Variants in COX10 observed in about 807,000 individuals in gnomAD.
COX10 encodes the protein protoheme IX farnesyltransferase, mitochondrial.
COX10 carries 27 observed loss-of-function variants against 37.3 expected under a neutral mutation model. The ratio of observed to expected loss-of-function variants is 0.72; its 90% CI spans 0.53 to 1.00. The LOEUF (loss-of-function observed/expected upper bound fraction) is 1.00. COX10 is among the 50% of genes least tolerant of loss of function. The probability of loss-of-function intolerance (pLI) is 0.00; values close to 1 mark genes in which losing one functional copy is unlikely to be tolerated. For missense variants in COX10, 475 were observed against 563.2 expected (o/e 0.84, Z 1.59); for synonymous variants, 222 against 229.1 (o/e 0.97, Z 0.28).
At chr17:14,190,376 G>A (rs1597544342) in intron 5 of COX10, among the ~76,000 whole-genome samples, 1 of 152,164 alleles carries the variant, frequency 6.6e-6, no homozygotes, top group Non-Finnish European at 1.5e-5. Context: ...AGTGAGTATT[G>A]TGGAAGTAAC....
chr17:14,089,465 T>TCTAGC (rs1915477767), intron 3 of COX10, among the ~76,000 whole-genome samples: 4 of 152,192 alleles, frequency 2.6e-5, no homozygotes, highest in Non-Finnish European at 4.4e-5. Flanking sequence ...TACTGGACTG[T>TCTAGC]CCAACAGAGC....
At chr17:14,176,974 C>T (rs1597537903) in intron 5 of COX10, among the ~76,000 whole-genome samples, 2 of 150,388 alleles carry the variant, frequency 1.3e-5, no homozygotes, top group South Asian at 4.2e-4. Flanking sequence ...TTTTTTTTTG[C>T]AAATCAAAGG....
intron 4 of COX10, among the ~76,000 whole-genome samples, chr17:14,108,065 C>G (rs1915936082): frequency 6.6e-6 from 1 of 152,140 alleles, no homozygotes; most frequent in Non-Finnish European, 1.5e-5. Flanking sequence ...ATTTATATCT[C>G]TTTCCTAGAG....
At chr17:14,192,745 AT>A (rs60704800) in intron 6 of COX10, among the ~76,000 whole-genome samples, 3,593 of 148,286 alleles carry the variant, frequency 0.024, 107 homozygotes, top group African/African-American at 0.078. Flanking sequence ...AGATTCCTAC[AT>A]TTTTTTGGTG....
rs116514196 is a variant in COX10 at position 14,074,048 on chromosome 17, C to T, written c.44-275C>T. Among the ~76,000 whole-genome samples the T allele has an allele frequency of 7.9e-3, 1,194 of 152,086 alleles. 13 individuals are homozygous for T. The highest frequency in any genetic ancestry group is 0.028 in the African/African-American group (1,144 of 41,464). On this transcript the variant is annotated intron_variant, in intron 1 of 6. Transcript: ENST00000261643. ...TATATTTTCTTAAGAAGATATGTAG[C>T]GTGGTCATTTCAGCATTAAATGTAG...
chr17:14,200,874 G>C (rs1445951294), intron 6 of COX10, among the ~76,000 whole-genome samples: 1 of 152,200 alleles, frequency 6.6e-6, no homozygotes, highest in Non-Finnish European at 1.5e-5. Context: ...ACCAATTTTA[G>C]ATCTCAGTTT....
At chr17:14,135,564 C>T (rs1334020662) in intron 4 of COX10, among the ~76,000 whole-genome samples, 2 of 151,716 alleles carry the variant, frequency 1.3e-5, no homozygotes, top group African/African-American at 2.4e-5. Context: ...GCAGATGAAC[C>T]CTGAACTGCA....
chr17:14,191,782 A>G (rs1906208671), intron 5 of COX10, among the ~76,000 whole-genome samples: 1 of 152,208 alleles, frequency 6.6e-6, no homozygotes, highest in Admixed American at 6.5e-5. Flanking sequence ...AGCAAAATCA[A>G]GAAGAGCAGC....
chr17:14,106,743 T>C (rs1915901446), intron 4 of COX10, among the ~76,000 whole-genome samples: 1 of 152,104 alleles, frequency 6.6e-6, no homozygotes, highest in African/African-American at 2.4e-5. Flanking sequence ...GGTGGGAGTG[T>C]GTTTACTTTT....
At chr17:14,189,668 T>A (rs898030481) in intron 5 of COX10, among the ~76,000 whole-genome samples, 7 of 152,188 alleles carry the variant, frequency 4.6e-5, no homozygotes, top group Non-Finnish European at 7.3e-5. Flanking sequence ...GTGCAAAAAA[T>A]TTTTGAAATC....
At chr17:14,203,016 A>G (rs7215756) in intron 6 of COX10, among the ~76,000 whole-genome samples, 6,318 of 152,170 alleles carry the variant, frequency 0.042, 205 homozygotes, top group African/African-American at 0.09. Context: ...GAGTCGTCTC[A>G]AAATAGGCAT....
At chr17:14,181,250 A>G (rs1905849344) in intron 5 of COX10, among the ~76,000 whole-genome samples, 1 of 152,218 alleles carries the variant, frequency 6.6e-6, no homozygotes, top group South Asian at 2.1e-4. Flanking sequence ...AGTTAATTAG[A>G]CACGTTCACA....
Position 14,207,385 on chromosome 17 carries a change from C to A in COX10, c.*172C>A. 2.4e-6 allele frequency: 2 copies of A among 850,674 alleles called. No homozygotes were observed. The highest frequency in any genetic ancestry group is 4.2e-5 in the South Asian group (2 of 47,804). 52.7% of individuals were successfully genotyped at this position (850,674 alleles called of 1,614,324 possible). A position where few individuals can be genotyped will look rare whatever the true frequency, so the allele number is the denominator to read the frequency against. ...TTTTTTAAATATTACCCAAAATGCTCCCCAAATAAGAAATGCATCAGCTCA... is the reference window on the plus strand; with the variant it reads ...TTTTTTAAATATTACCCAAAATGCTACCCAAATAAGAAATGCATCAGCTCA... On this transcript the variant is annotated 3_prime_UTR_variant, in exon 7 of 7. Transcript: ENST00000261643.
chr17:14,095,590 A>C (rs1390602107), intron 3 of COX10, among the ~76,000 whole-genome samples: 1 of 152,170 alleles, frequency 6.6e-6, no homozygotes, highest in South Asian at 2.1e-4. Flanking sequence ...AAGCAACACA[A>C]AGTTATTGTT....
chr17:14,146,660 GCTT>G (rs1315214510), intron 4 of COX10, among the ~76,000 whole-genome samples: 1 of 152,062 alleles, frequency 6.6e-6, no homozygotes, highest in African/African-American at 2.4e-5. Flanking sequence ...AAGTTAAAAA[GCTT>G]CTTCACAGGA....
chr17:14,118,072 C>A (rs1200728369), intron 4 of COX10, among the ~76,000 whole-genome samples: 1 of 152,110 alleles, frequency 6.6e-6, no homozygotes, highest in Non-Finnish European at 1.5e-5. Flanking sequence ...CCAGTGTCTG[C>A]TGGTGTCTGT....
chr17:14,141,438 A>G (rs981722636), intron 4 of COX10, among the ~76,000 whole-genome samples: 5 of 143,062 alleles, frequency 3.5e-5, no homozygotes, highest in African/African-American at 1.3e-4. Flanking sequence ...CTGAGGTGGT[A>G]GGATGGCATA....
rs116550419 is a variant in COX10 at position 14,162,576 on chromosome 17, C to T, written c.695+2629C>T. ...TAAGTCTGATATAGAAAAATCAGCA[C>T]ATGTTTTACGTTGGCTAATGGATGG... On this transcript the variant is annotated intron_variant, in intron 5 of 6. Coordinates refer to ENST00000261643, the MANE Select transcript of COX10 (RefSeq NM_001303.4). 9.9e-3 allele frequency among the ~76,000 whole-genome samples: 1,505 copies of T among 151,284 alleles called. 18 individuals carry two copies. Among genetic ancestry groups the T allele is most frequent in the African/African-American group, 0.034 (1,421 of 41,234 alleles).
intron 4 of COX10, among the ~76,000 whole-genome samples, chr17:14,142,003 T>C (rs1904558680): frequency 1.3e-5 from 2 of 152,158 alleles, no homozygotes; most frequent in African/African-American, 4.8e-5. Flanking sequence ...GAAGTGTTGT[T>C]CAAAATTTCT....
Sources: allele counts gnomAD v4.1 joint callset (sites outside exome capture counted in the v4.1 genomes callset), GRCh38; gene constraint gnomAD v4.1.1; transcripts MANE v1.5; gene names NCBI Gene and HGNC (gene_info 2026-07-23, HGNC 2026-07-21).